IBTK: variants seen among roughly 807,000 people sequenced by gnomAD.
IBTK encodes the protein BTK-binding protein.
In IBTK, 83 loss-of-function variants were observed where a neutral mutation model predicts 154.9. That is an observed-to-expected ratio of 0.54 (90% CI 0.45 to 0.64). The LOEUF (loss-of-function observed/expected upper bound fraction) is 0.64. Among genes scored for constraint, IBTK ranks in the 30% least tolerant of loss-of-function variants. The pLI is 0.00. For missense variants in IBTK, 1,332 were observed against 1,584.6 expected, an observed-to-expected ratio of 0.84 and a Z score of 2.71; for synonymous variants, 515 against 536.1, an observed-to-expected ratio of 0.96 and a Z score of 0.54.
chr6:82,208,297 G>A (rs973150621), intron 16 of IBTK, among the ~76,000 whole-genome samples: 26 of 151,496 alleles, frequency 1.7e-4, no homozygotes, highest in Admixed American at 5.9e-4. Flanking sequence ...ACCTTAATAC[G>A]ACTGGGGGGG....
intron 8 of IBTK, among the ~76,000 whole-genome samples, chr6:82,223,053 T>C (rs371299749): frequency 6.6e-6 from 1 of 152,046 alleles, no homozygotes; most frequent in East Asian, 1.9e-4. Flanking sequence ...TCATGATATA[T>C]GATTATATTC....
chr6:82,214,864 A>C, intron 11 of IBTK, 35 bp from the exon 12 acceptor site: 1 of 1,515,782 alleles, frequency 6.6e-7, no homozygotes, highest in Non-Finnish European at 8.8e-7. Flanking sequence ...ATGCTTCAAA[A>C]AATATGAAGG....
intron 21 of IBTK, among the ~76,000 whole-genome samples, chr6:82,198,644 AAGTTGTTTGTATAC>A (rs1769090897): frequency 6.6e-6 from 1 of 152,082 alleles, no homozygotes; most frequent in South Asian, 2.1e-4. Flanking sequence ...CTATTTTTCA[AAGTTGTTTGTATAC>A]AGCTGATTGA....
chr6:82,242,631 A>G (rs536817062), intron 1 of IBTK, among the ~76,000 whole-genome samples: 1 of 152,116 alleles, frequency 6.6e-6, no homozygotes. Flanking sequence ...AGCAACAAAA[A>G]GAACAAGATA....
intron 9 of IBTK, among the ~76,000 whole-genome samples, chr6:82,219,377 C>T (rs1182067469): frequency 6.6e-6 from 1 of 152,106 alleles, no homozygotes; most frequent in African/African-American, 2.4e-5. Context: ...TGATTAATTC[C>T]TCAATTTCTA....
At chr6:82,173,222 G>A (rs1309166589) in intron 27 of IBTK, 145 bp downstream of exon 27, 1 of 517,592 alleles carries the variant, frequency 1.9e-6, no homozygotes, top group African/African-American at 1.9e-5. Flanking sequence ...GGCTGGTCTT[G>A]AACTCCTGAC....
At chr6:82,192,823 G>A (rs2127803695) in intron 23 of IBTK, among the ~76,000 whole-genome samples, 1 of 151,658 alleles carries the variant, frequency 6.6e-6, no homozygotes, top group Non-Finnish European at 1.5e-5. Context: ...AAGTCAGTCA[G>A]GCACAGTGGC....
chr6:82,182,976 G>C (rs1287464339), intron 25 of IBTK, among the ~76,000 whole-genome samples: 1 of 152,200 alleles, frequency 6.6e-6, no homozygotes, highest in Non-Finnish European at 1.5e-5. Context: ...TCCTGAGTCA[G>C]AGGCATTCAG....
At chr6:82,206,158 G>A (rs1000597401) in intron 16 of IBTK, among the ~76,000 whole-genome samples, 1 of 152,170 alleles carries the variant, frequency 6.6e-6, no homozygotes, top group Non-Finnish European at 1.5e-5. Flanking sequence ...AGCCTTTCCT[G>A]TTCAGATCTT....
intron 26 of IBTK, chr6:82,174,998 CAA>C (rs1768057643): frequency 2.2e-6 from 1 of 456,016 alleles, no homozygotes; most frequent in Non-Finnish European, 4.4e-6. Context: ...TCTCCTCCTA[CAA>C]AACTTCAATC....
chr6:82,172,480 G>A lies in IBTK; in HGVS notation c.3830C>T (p.Ser1277Phe), dbSNP rs141826666. 2.0e-4 allele frequency: 324 copies of A among 1,613,560 alleles called. No homozygotes were observed. The highest frequency in any genetic ancestry group is 9.9e-4 in the Middle Eastern group (6 of 6,054). The change falls in exon 28 of 29, where the codon TCC (serine) becomes TTC (phenylalanine). Residue 1277 changes from serine (S) to phenylalanine (F), a missense_variant. Ser to Phe is a radical substitution (Grantham distance 155). Coordinates refer to ENST00000306270, the MANE Select transcript of IBTK (RefSeq NM_015525.4). ...PWLSSSVTAP[S>F]MVAPVTFASI... ...TGCAAAAGTGACTGGGGCTACCATG[G>A]ATGGAGCAGTCACTGAAGAAGATAG...
intron 15 of IBTK, among the ~76,000 whole-genome samples, 161 bp from the exon 16 acceptor site, chr6:82,211,071 A>G (rs1415290616): frequency 6.6e-6 from 1 of 152,194 alleles, no homozygotes; most frequent in African/African-American, 2.4e-5. Flanking sequence ...TATTAAATTT[A>G]ATTTTAAAAC....
intron 8 of IBTK, among the ~76,000 whole-genome samples, chr6:82,222,058 A>T (rs1770120203): frequency 6.6e-6 from 1 of 151,940 alleles, no homozygotes; most frequent in Non-Finnish European, 1.5e-5. Context: ...ATTCCAGCTA[A>T]TCGGGAGGCT....
chr6:82,223,391 G>A, intron 8 of IBTK, 49 bp downstream of exon 8: 1 of 1,421,822 alleles, frequency 7.0e-7, no homozygotes, highest in Non-Finnish European at 9.7e-7. Context: ...TTTGCTGGAA[G>A]AGTTGAATTA....
intron 2 of IBTK, among the ~76,000 whole-genome samples, chr6:82,239,368 G>A (rs148817918): frequency 0.017 from 2,515 of 152,080 alleles, 27 homozygotes; most frequent in Non-Finnish European, 0.024. Flanking sequence ...GTGTGAACCC[G>A]GGAGGCGGAG....
intron 26 of IBTK, among the ~76,000 whole-genome samples, chr6:82,180,321 C>T (rs1768274563): frequency 6.6e-6 from 1 of 152,142 alleles, no homozygotes; most frequent in Admixed American, 6.5e-5. Context: ...TCATGGCTAA[C>T]TGCAGCCTTT....
At chr6:82,235,122 G>T (rs1048081139) in intron 2 of IBTK, among the ~76,000 whole-genome samples, 1 of 151,960 alleles carries the variant, frequency 6.6e-6, no homozygotes, top group African/African-American at 2.4e-5. Flanking sequence ...GCCTCCCAAA[G>T]TGCTGGGATT....
intron 11 of IBTK, 72 bp from the exon 12 acceptor site, chr6:82,214,901 C>A: frequency 6.8e-7 from 1 of 1,460,200 alleles, no homozygotes; most frequent in Non-Finnish European, 9.1e-7. Flanking sequence ...CTAGCCAATT[C>A]TCCTTTAAAA....
chr6:82,237,550 T>TAGC (rs35272040), intron 2 of IBTK, among the ~76,000 whole-genome samples: 2,237 of 149,366 alleles, frequency 0.015, 31 homozygotes, highest in African/African-American at 0.032. Flanking sequence ...GTAGTAGTAG[T>TAGC]AGCAGCAGCA....
Sources: allele counts gnomAD v4.1 joint callset (sites outside exome capture counted in the v4.1 genomes callset), GRCh38; gene constraint gnomAD v4.1.1; transcripts MANE v1.5; gene names NCBI Gene and HGNC (gene_info 2026-07-23, HGNC 2026-07-21).